The following SGCD variants were observed in gnomAD, a reference collection of about 807,000 sequenced individuals.
SGCD encodes delta-sarcoglycan.
SGCD carries 18 observed loss-of-function variants against 36.6 expected under a neutral mutation model. That is an observed-to-expected ratio of 0.49 (90% CI 0.34 to 0.73). SGCD has a LOEUF of 0.73. Among genes scored for constraint, SGCD ranks in the 30% least tolerant of loss-of-function variants. The pLI is 0.01. For missense variants in SGCD, 387 were observed against 346.7 expected (o/e 1.12, Z -0.92); for synonymous variants, 133 against 130.6 (o/e 1.02, Z -0.12).
chr5:156,532,745 G>A (rs1438361779), intron 4 of SGCD, among the ~76,000 whole-genome samples: 1 of 152,190 alleles, frequency 6.6e-6, no homozygotes, highest in East Asian at 1.9e-4. Context: ...ATAGGCGTGA[G>A]CCACCAAGTC....
chr5:155,787,748 C>T, the SGCD span, among the ~76,000 whole-genome samples: 3 of 151,906 alleles, frequency 2.0e-5, no homozygotes, highest in Non-Finnish European at 2.9e-5. Flanking sequence ...TACATGGCAC[C>T]GGAACACCCA....
At chr5:155,771,202 C>T in the SGCD span, among the ~76,000 whole-genome samples, 82 of 152,102 alleles carry the variant, frequency 5.4e-4, 1 homozygote, top group South Asian at 6.2e-3. Context: ...TTCCACCATG[C>T]CCTGCCATGT....
At chr5:155,908,580 C>G (rs1756570683) in intron 1 of SGCD, among the ~76,000 whole-genome samples, 1 of 152,110 alleles carries the variant, frequency 6.6e-6, no homozygotes, top group African/African-American at 2.4e-5. Flanking sequence ...ATTTTTGAAT[C>G]TATTTCTACA....
At chr5:156,373,224 C>T (rs986373382) in intron 3 of SGCD, among the ~76,000 whole-genome samples, 1 of 152,204 alleles carries the variant, frequency 6.6e-6, no homozygotes, top group South Asian at 2.1e-4. Flanking sequence ...TAAGGGGGAA[C>T]ACTTACCAAT....
intron 7 of SGCD, among the ~76,000 whole-genome samples, chr5:156,756,840 C>T (rs1268553103): frequency 6.7e-6 from 1 of 149,806 alleles, no homozygotes; most frequent in Non-Finnish European, 1.5e-5. Context: ...GACCACCTCC[C>T]CTCCCAGCCC....
intron 3 of SGCD, among the ~76,000 whole-genome samples, chr5:156,283,596 T>G (rs1470427177): frequency 2.0e-5 from 3 of 152,216 alleles, no homozygotes; most frequent in African/African-American, 7.2e-5. Context: ...CATTGCCCAG[T>G]GCATTCTTCC....
chr5:156,424,665 C>T (rs925586306), intron 3 of SGCD, among the ~76,000 whole-genome samples: 9 of 152,008 alleles, frequency 5.9e-5, no homozygotes, highest in African/African-American at 2.2e-4. Flanking sequence ...GTCCTCAAGA[C>T]TTCACATTCA....
At chr5:156,617,490 A>T (rs911525245) in intron 6 of SGCD, among the ~76,000 whole-genome samples, 1 of 152,202 alleles carries the variant, frequency 6.6e-6, no homozygotes, top group East Asian at 1.9e-4. Context: ...ACAGAAATTT[A>T]TAGGAGCAAT....
intron 1 of SGCD, among the ~76,000 whole-genome samples, chr5:156,039,660 T>C (rs1759587674): frequency 6.6e-6 from 1 of 152,220 alleles, no homozygotes; most frequent in African/African-American, 2.4e-5. Flanking sequence ...TTACCTAGAC[T>C]TAAAGAATTG....
At chr5:155,762,296 T>C in the SGCD span, among the ~76,000 whole-genome samples, 8 of 152,264 alleles carry the variant, frequency 5.3e-5, no homozygotes, top group Admixed American at 3.9e-4. Flanking sequence ...GTTATCTATC[T>C]GAAAAAAAGA....
At chr5:156,629,670 G>C (rs1429369098) in intron 6 of SGCD, among the ~76,000 whole-genome samples, 1 of 152,006 alleles carries the variant, frequency 6.6e-6, no homozygotes, top group Non-Finnish European at 1.5e-5. Context: ...TGGACCACAG[G>C]GTCTCTGTTG....
chr5:156,378,370 A>G (rs965219311), intron 3 of SGCD, among the ~76,000 whole-genome samples: 6 of 152,210 alleles, frequency 3.9e-5, no homozygotes, highest in African/African-American at 1.4e-4. Flanking sequence ...TTAATGATAC[A>G]GAGTTTCAGT....
At chr5:156,073,633 G>C (rs1476462532) in intron 1 of SGCD, among the ~76,000 whole-genome samples, 6 of 152,082 alleles carry the variant, frequency 3.9e-5, no homozygotes, top group African/African-American at 1.4e-4. Flanking sequence ...AGAGTAATTG[G>C]GTGACATAAT....
chr5:156,327,885 A>G (rs1266112338), intron 1 of SGCD, among the ~76,000 whole-genome samples: 5 of 152,110 alleles, frequency 3.3e-5, no homozygotes, highest in Admixed American at 3.3e-4. Context: ...ATCATTTCCA[A>G]TTTTCTCACT....
At chr5:156,085,852 G>C (rs1761078107) in intron 1 of SGCD, among the ~76,000 whole-genome samples, 1 of 152,142 alleles carries the variant, frequency 6.6e-6, no homozygotes, top group African/African-American at 2.4e-5. Flanking sequence ...TTGTGGTGTT[G>C]GAAAATTCAC....
At chr5:156,406,758 G>A (rs570942574) in intron 3 of SGCD, among the ~76,000 whole-genome samples, 10 of 140,454 alleles carry the variant, frequency 7.1e-5, no homozygotes, top group Non-Finnish European at 1.5e-4. Context: ...CTGTATTAGG[G>A]TTTTCTAGAG....
chr5:156,559,610 C>T (rs912364529), intron 4 of SGCD, among the ~76,000 whole-genome samples: 2 of 152,154 alleles, frequency 1.3e-5, no homozygotes, highest in African/African-American at 2.4e-5. Context: ...AAGTTACCAA[C>T]TTCTCCTCAG....
intron 3 of SGCD, among the ~76,000 whole-genome samples, chr5:156,402,806 G>A (rs1772223829): frequency 6.6e-6 from 1 of 152,212 alleles, no homozygotes; most frequent in Admixed American, 6.5e-5. Flanking sequence ...GAGCTTGACT[G>A]AAATGTGAGC....
chr5:156,540,016 T>C (rs1351059312), intron 4 of SGCD, among the ~76,000 whole-genome samples: 1 of 152,138 alleles, frequency 6.6e-6, no homozygotes, highest in Non-Finnish European at 1.5e-5. Flanking sequence ...ACTTTCTCTT[T>C]TACATATGCC....
Sources: allele counts gnomAD v4.1 joint callset (sites outside exome capture counted in the v4.1 genomes callset), GRCh38; gene constraint gnomAD v4.1.1; transcripts MANE v1.5; gene names NCBI Gene and HGNC (gene_info 2026-07-23, HGNC 2026-07-21).